The following PLD5 variants were observed in gnomAD, a reference collection of about 807,000 sequenced individuals.
PLD5 encodes the protein phospholipase D family member 5, also known as inactive phospholipase D5.
PLD5 carries 36 observed loss-of-function variants against 61.1 expected under a neutral mutation model. The ratio of observed to expected loss-of-function variants is 0.59; its 90% CI spans 0.45 to 0.78. The LOEUF (loss-of-function observed/expected upper bound fraction) is 0.78. Among genes scored for constraint, PLD5 ranks in the 30% least tolerant of loss-of-function variants. The pLI is 0.00. For synonymous variants in PLD5, 243 were observed against 242.8 expected (o/e 1.00, Z -0.01); for missense variants, 515 against 644.4 (o/e 0.80, Z 2.17).
intron 5 of PLD5, among the ~76,000 whole-genome samples, chr1:242,168,566 A>G (rs1166519550): frequency 1.3e-5 from 2 of 152,190 alleles, no homozygotes; most frequent in East Asian, 3.9e-4. Context: ...GAGGCTCTTA[A>G]AGGTTTTGGG....
At chr1:242,437,216 C>A (rs1666036964) in intron 1 of PLD5, among the ~76,000 whole-genome samples, 2 of 152,174 alleles carry the variant, frequency 1.3e-5, no homozygotes, top group South Asian at 4.1e-4. Context: ...ACAAATCACA[C>A]ACATTTAAAT....
chr1:242,099,618 A>T (rs923352099), intron 9 of PLD5, among the ~76,000 whole-genome samples: 4 of 152,120 alleles, frequency 2.6e-5, no homozygotes, highest in Non-Finnish European at 5.9e-5. Flanking sequence ...TCCCCCTAAC[A>T]TCTGTATTTC....
At chr1:242,211,104 C>A (rs10754755) in intron 5 of PLD5, among the ~76,000 whole-genome samples, 6 of 152,088 alleles carry the variant, frequency 3.9e-5, no homozygotes, top group African/African-American at 1.4e-4. Context: ...CTGGGATCAT[C>A]GATGAAGCTG....
At chr1:242,237,604 G>A (rs1448074549) in intron 4 of PLD5, among the ~76,000 whole-genome samples, 1 of 152,176 alleles carries the variant, frequency 6.6e-6, no homozygotes, top group Non-Finnish European at 1.5e-5. Context: ...CTCAGTAACA[G>A]CCACGTGCCT....
intron 1 of PLD5, among the ~76,000 whole-genome samples, chr1:242,425,668 A>G (rs532159895): frequency 1.5e-5 from 2 of 136,186 alleles, no homozygotes; most frequent in East Asian, 4.3e-4. Flanking sequence ...TTTGAGACAG[A>G]GTCTCGCTCT....
intron 2 of PLD5, among the ~76,000 whole-genome samples, chr1:242,332,982 C>G (rs1250301093): frequency 6.6e-6 from 1 of 152,120 alleles, no homozygotes; most frequent in Admixed American, 6.5e-5. Context: ...GGGGTTGCCT[C>G]AGGTGAAACC....
At chr1:242,358,360 C>A (rs1252020247) in intron 1 of PLD5, among the ~76,000 whole-genome samples, 1 of 151,568 alleles carries the variant, frequency 6.6e-6, no homozygotes, top group Non-Finnish European at 1.5e-5. Flanking sequence ...GAGAAAGCCA[C>A]CTTTTCTGGC....
At chr1:242,124,779 G>GAAGTAAGTA in intron 5 of PLD5, 114 bp from the exon 6 acceptor site, 1 of 790,042 alleles carries the variant, frequency 1.3e-6, no homozygotes, top group African/African-American at 1.7e-5. Context: ...TCTTGCATTT[G>GAAGTAAGTA]AAGTAAGTAG....
At chr1:242,098,869 C>G (rs1660462531) in intron 9 of PLD5, among the ~76,000 whole-genome samples, 1 of 152,198 alleles carries the variant, frequency 6.6e-6, no homozygotes, top group African/African-American at 2.4e-5. Flanking sequence ...GGCTGCAGAA[C>G]AGCAGATATT....
chr1:242,263,829 A>G (rs1224300341), intron 4 of PLD5, among the ~76,000 whole-genome samples: 1 of 152,234 alleles, frequency 6.6e-6, no homozygotes, highest in African/African-American at 2.4e-5. Flanking sequence ...TTTGTCAATC[A>G]CTATTTGCTG....
chr1:242,159,679 C>A (rs1048499021), intron 5 of PLD5, among the ~76,000 whole-genome samples: 1 of 152,124 alleles, frequency 6.6e-6, no homozygotes, highest in African/African-American at 2.4e-5. Context: ...TGTCCTTCCC[C>A]CAGCTTCAAT....
intron 5 of PLD5, among the ~76,000 whole-genome samples, chr1:242,126,309 C>T (rs1408393292): frequency 2.0e-5 from 3 of 152,148 alleles, no homozygotes; most frequent in African/African-American, 7.2e-5. Flanking sequence ...CTAGGAAAAA[C>T]AATTCTAAAA....
At chr1:242,377,202 C>T in intron 1 of PLD5, 1 of 1,611,526 alleles carries the variant, frequency 6.2e-7, no homozygotes, top group African/African-American at 1.3e-5. Context: ...GTAGCAGAGG[C>T]CACACTCCCG....
intron 1 of PLD5, among the ~76,000 whole-genome samples, chr1:242,518,458 CGTCT>C (rs1669174921): frequency 1.3e-5 from 2 of 152,210 alleles, no homozygotes; most frequent in African/African-American, 2.4e-5. Context: ...ACAGACTCCA[CGTCT>C]GTCTAACTAT....
intron 1 of PLD5, among the ~76,000 whole-genome samples, chr1:242,492,621 G>A (rs1402522479): frequency 1.3e-5 from 2 of 152,038 alleles, no homozygotes; most frequent in Non-Finnish European, 2.9e-5. Context: ...AATTTGCAAA[G>A]CAACCTACAT....
At chr1:242,415,333 T>G (rs1202491298) in intron 1 of PLD5, among the ~76,000 whole-genome samples, 1 of 152,080 alleles carries the variant, frequency 6.6e-6, no homozygotes, top group East Asian at 1.9e-4. Flanking sequence ...AGCAAAAGCC[T>G]AGAAACAACC....
chr1:242,100,773 C>CA lies in PLD5; in HGVS notation c.1248dup (p.Asp417Ter). 6.3e-7 allele frequency: 1 copy of CA among 1,596,984 alleles called. No individual in the cohort carries two copies. The highest frequency in any genetic ancestry group is 1.4e-5 in the African/African-American group (1 of 73,248). On this transcript the variant is annotated frameshift_variant, in exon 9 of 10. Transcript: ENST00000536534. LOFTEE classifies it high-confidence loss of function. ...GCACAAGCATTCTCTCTTTCCAGAT[C>CA]AAAAAATTTCTGTAAGAAAAAAAAA...
chr1:242,326,787 G>A (rs1658817367), intron 2 of PLD5, among the ~76,000 whole-genome samples: 2 of 151,966 alleles, frequency 1.3e-5, no homozygotes, highest in South Asian at 4.2e-4. Flanking sequence ...GCTCACTGTA[G>A]CCTTGACCTC....
At chr1:242,512,724 G>A (rs956775013) in intron 1 of PLD5, among the ~76,000 whole-genome samples, 1 of 152,208 alleles carries the variant, frequency 6.6e-6, no homozygotes, top group African/African-American at 2.4e-5. Context: ...AGTCTCAGGA[G>A]AAAATCAATG....
Sources: allele counts gnomAD v4.1 joint callset (sites outside exome capture counted in the v4.1 genomes callset), GRCh38; gene constraint gnomAD v4.1.1; transcripts MANE v1.5; gene names NCBI Gene and HGNC (gene_info 2026-07-23, HGNC 2026-07-21).